Variants in FLT4 observed in about 807,000 individuals in gnomAD.
FLT4 encodes the protein vascular endothelial growth factor receptor 3.
FLT4 carries 30 observed loss-of-function variants against 163.2 expected under a neutral mutation model. That is an observed-to-expected ratio of 0.18 (90% CI 0.14 to 0.25). The LOEUF is 0.25. FLT4 is among the 10% of genes least tolerant of loss of function. The pLI is 1.00. For missense variants in FLT4, 1,510 were observed against 1,863.8 expected (o/e 0.81, Z 3.50); for synonymous variants, 884 against 789.5 (o/e 1.12, Z -2.01).
At chr5:180,605,179 G>T (rs1287853627) in intron 29 of FLT4, among the ~76,000 whole-genome samples, 2 of 152,188 alleles carry the variant, frequency 1.3e-5, no homozygotes, top group African/African-American at 4.8e-5. Flanking sequence ...TGCCCAGGTT[G>T]GTCTTGAACT....
chr5:180,631,790 G>C lies in FLT4; in HGVS notation c.59-12C>G, dbSNP rs1355785038. ...GCCACTCACCAGGCCTGGGGTGGGA[G>C]ACAGGGTCAGCGTGGTGCTGGGCTG... is the stretch of plus-strand genomic sequence containing the variant. On this transcript the variant is annotated splice_polypyrimidine_tract_variant and intron_variant, in intron 1 of 29. Coordinates refer to ENST00000261937, the MANE Select transcript of FLT4 (RefSeq NM_182925.5). 2.5e-6 allele frequency: 4 copies of C among 1,589,738 alleles called. No individual in the cohort carries two copies. The highest frequency in any genetic ancestry group is 2.7e-5 in the African/African-American group (2 of 74,542).
In FLT4 at chr5:180,613,735, C is replaced by T. The variant is rs1015270366; in HGVS notation, c.3331+333G>A. The T allele has an allele frequency of 1.4e-5, 6 of 424,430 alleles. No homozygotes were observed. In the Admixed American group the frequency reaches 2.1e-4, roughly 15 times the overall value. The allele number at this position is 424,430 out of a possible 1,614,324, so 26.3% of individuals were successfully genotyped here. ...CATGCTCGCAGCGGGGCCTGAGTTCCCACATGGAGCTCTTGGAGCTCTTGG... is the reference window on the plus strand; with the variant it reads ...CATGCTCGCAGCGGGGCCTGAGTTCTCACATGGAGCTCTTGGAGCTCTTGG... On this transcript the variant is annotated intron_variant, in intron 24 of 29. Transcript: ENST00000261937.
chr5:180,626,919 T>G (rs1763664579), intron 8 of FLT4, among the ~76,000 whole-genome samples: 1 of 152,252 alleles, frequency 6.6e-6, no homozygotes, highest in Non-Finnish European at 1.5e-5. Context: ...GGTGGGGGCG[T>G]GCAGCCTTCC....
rs145410879 is a variant in FLT4 at position 180,643,295 on chromosome 5, G to A, written c.58+6193C>T. 5.1e-3 allele frequency among the ~76,000 whole-genome samples: 775 copies of A among 152,316 alleles called. 6 individuals are homozygous for A. The highest frequency in any genetic ancestry group is 0.014 in the Middle Eastern group (4 of 294). ...AATGGGCTTTGCAGACTGAGTAGGA[G>A]CGGGCCCAAGAGGAGGGCACTGTGG... On this transcript the variant is annotated intron_variant, in intron 1 of 29. Coordinates refer to ENST00000261937, the MANE Select transcript of FLT4 (RefSeq NM_182925.5).
chr5:180,621,741 C>G lies in FLT4; in HGVS notation c.1821G>C (p.Leu607=). 6.2e-7 allele frequency: 1 copy of G among 1,613,098 alleles called. No individual in the cohort carries two copies. The highest frequency in any genetic ancestry group is 8.5e-7 in the Non-Finnish European group (1 of 1,179,986). The part of the protein sequence containing the change: ...TLHDAHGNPL[L]LDCKNVHLFA... ...ACAGATGCACGTTCTTGCAGTCGAG[C>G]AGAAGCGGGTTCCCGTGCGCATCGT... The change falls in exon 13 of 30, where the codon CTG becomes CTC. Residue 607 remains leucine (L), a synonymous_variant. Coordinates refer to ENST00000261937, the MANE Select transcript of FLT4 (RefSeq NM_182925.5).
chr5:180,603,644 G>C (rs1250401424), intron 29 of FLT4, among the ~76,000 whole-genome samples: 1 of 152,214 alleles, frequency 6.6e-6, no homozygotes, highest in Admixed American at 6.5e-5. Flanking sequence ...GCTCATGCCT[G>C]TAATCCCAGC....
In FLT4 at chr5:180,630,900, C is replaced by G; in HGVS notation, c.156-101G>C. 1 of 1,401,156 alleles carries G rather than the reference C, an allele frequency of 7.1e-7. No homozygotes were observed. Among genetic ancestry groups the G allele is most frequent in the Non-Finnish European group, 9.5e-7 (1 of 1,050,666 alleles). The allele number at this position is 1,401,156 out of a possible 1,614,324, so 86.8% of individuals were successfully genotyped here. A position where few individuals can be genotyped will look rare whatever the true frequency, so the allele number is the denominator to read the frequency against. ...CCGAGCCTCACCAGGTTTGTCTTAC[C>G]CAGAGCATGGAACTGCCCAGGGTTT... On this transcript the variant is annotated intron_variant, in intron 2 of 29. Transcript: ENST00000261937. The surrounding 1 kb of genome is among the most constrained non-coding windows in gnomAD (Gnocchi z 6.3).
intron 8 of FLT4, 26 bp downstream of exon 8, chr5:180,628,856 G>T: frequency 1.3e-6 from 2 of 1,494,278 alleles, no homozygotes; most frequent in Non-Finnish European, 1.8e-6. Context: ...GTATCGGCGG[G>T]GTCGGTGGGG....
intron 10 of FLT4, 75 bp from the exon 11 acceptor site, chr5:180,624,136 C>A (rs1763410356): frequency 6.4e-7 from 1 of 1,567,994 alleles, no homozygotes; most frequent in Non-Finnish European, 8.7e-7. Context: ...CGGGGTCAAG[C>A]CCTTGTCATA....
Position 180,637,187 on chromosome 5 carries a change from G to A in FLT4, c.59-5409C>T, listed in dbSNP as rs887792907. 2.0e-5 allele frequency among the ~76,000 whole-genome samples: 3 copies of A among 151,964 alleles called. 1 individual carries two copies. Among genetic ancestry groups the A allele is most frequent in the South Asian group, 4.2e-4 (2 of 4,818 alleles). ...TCTACTAAAAATACAAAAGTTAGCC[G>A]GGCACGGTGGTGGGTGCCTGTAGTC... On this transcript the variant is annotated intron_variant, in intron 1 of 29. Transcript: ENST00000261937.
intron 27 of FLT4, among the ~76,000 whole-genome samples, chr5:180,610,394 A>G (rs1762081995): frequency 6.6e-6 from 1 of 152,236 alleles, no homozygotes; most frequent in South Asian, 2.1e-4. Flanking sequence ...ACGTGGGTGC[A>G]CTAAGGCACA....
At chr5:180,647,551 A>G (rs1765545464) in intron 1 of FLT4, among the ~76,000 whole-genome samples, 1 of 151,742 alleles carries the variant, frequency 6.6e-6, no homozygotes, top group Non-Finnish European at 1.5e-5. Context: ...CCACCGGACC[A>G]GCTGCCCTGA....
At chr5:180,649,379 G>A in intron 1 of FLT4, 109 bp downstream of exon 1, 1 of 792,106 alleles carries the variant, frequency 1.3e-6, no homozygotes, top group Non-Finnish European at 1.8e-6. Flanking sequence ...GGGCCACCGT[G>A]TCCCCCGCCC....
At chr5:180,624,492 C>A (rs1000989562) in intron 10 of FLT4, among the ~76,000 whole-genome samples, 2 of 152,090 alleles carry the variant, frequency 1.3e-5, no homozygotes, top group East Asian at 1.9e-4. Flanking sequence ...CCTCCCAAAG[C>A]GCTGGGATTA....
At chr5:180,633,314 C>T (rs1764319219) in intron 1 of FLT4, among the ~76,000 whole-genome samples, 1 of 152,216 alleles carries the variant, frequency 6.6e-6, no homozygotes, top group South Asian at 2.1e-4. Flanking sequence ...CACATCCAGA[C>T]CCACTGTACA....
chr5:180,616,850 G>T, intron 22 of FLT4, 50 bp downstream of exon 22: 1 of 1,413,976 alleles, frequency 7.1e-7, no homozygotes, highest in Non-Finnish European at 1.0e-6. Flanking sequence ...CTTGGCGACT[G>T]GTGGGGATGC....
intron 1 of FLT4, among the ~76,000 whole-genome samples, chr5:180,642,193 T>C (rs531295951): frequency 2.1e-3 from 304 of 141,614 alleles, no homozygotes; most frequent in Non-Finnish European, 3.2e-3. Flanking sequence ...GGCGACAGAG[T>C]GAGACTCTGT....
At chr5:180,610,148 G>C (rs1012005475) in intron 27 of FLT4, 123 bp from the exon 28 acceptor site, 1 of 1,416,452 alleles carries the variant, frequency 7.1e-7, no homozygotes. Context: ...CAGGAGTATG[G>C]ATGGGCCTGG....
chr5:180,643,493 C>A (rs1181836571), intron 1 of FLT4, among the ~76,000 whole-genome samples: 3 of 152,230 alleles, frequency 2.0e-5, no homozygotes, highest in Non-Finnish European at 4.4e-5. Context: ...TGGCTCTCCC[C>A]CCGGGTGGCA....
Sources: allele counts gnomAD v4.1 joint callset (sites outside exome capture counted in the v4.1 genomes callset), GRCh38; gene constraint gnomAD v4.1.1; non-coding constraint Gnocchi (gnomAD v3.1); transcripts MANE v1.5; gene names NCBI Gene and HGNC (gene_info 2026-07-23, HGNC 2026-07-21).